Variants in DPP6 observed in about 807,000 individuals in gnomAD.
DPP6 encodes A-type potassium channel modulatory protein DPP6.
In DPP6, 69 loss-of-function variants were observed where a neutral mutation model predicts 122.6. The ratio of observed to expected loss-of-function variants is 0.56; its 90% CI spans 0.46 to 0.69. DPP6 has a LOEUF of 0.69. Ranked by LOEUF, DPP6 falls within the 30% of genes least tolerant of loss-of-function variation. The pLI is 0.00. For missense variants in DPP6, 928 were observed against 1,116.9 expected, an observed-to-expected ratio of 0.83 and a Z score of 2.41; for synonymous variants, 418 against 433.1, an observed-to-expected ratio of 0.97 and a Z score of 0.43.
the DPP6 span, among the ~76,000 whole-genome samples, chr7:153,858,110 G>A: frequency 6.6e-6 from 1 of 152,162 alleles, no homozygotes; most frequent in Non-Finnish European, 1.5e-5. Flanking sequence ...AATTTGTTAT[G>A]AGTTTTTTGC....
At chr7:153,861,941 C>T in the DPP6 span, among the ~76,000 whole-genome samples, 3 of 152,302 alleles carry the variant, frequency 2.0e-5, no homozygotes, top group African/African-American at 4.8e-5. Flanking sequence ...TCGATGATGG[C>T]TCTAATGATT....
intron 1 of DPP6, among the ~76,000 whole-genome samples, chr7:154,004,183 G>A (rs1379879436): frequency 6.6e-6 from 1 of 152,148 alleles, no homozygotes; most frequent in Non-Finnish European, 1.5e-5. Context: ...ACATTGTTGA[G>A]GTTAAGTTTG....
At position 154,254,867 on chromosome 7, in the gene DPP6, A is replaced by G. The variant is rs559626884; in HGVS notation, c.244-191347A>G. Among the ~76,000 whole-genome samples, 107 of 152,304 alleles carry G rather than the reference A, an allele frequency of 7.0e-4. 1 individual carries two copies. The highest frequency in any genetic ancestry group is 6.8e-3 in the Middle Eastern group (2 of 294). On this transcript the variant is annotated intron_variant, in intron 1 of 25. Coordinates refer to ENST00000377770, the MANE Select transcript of DPP6 (RefSeq NM_130797.4). ...AATTGCAAGATTCAAAGGTAGGACA[A>G]TGAGCATGTTGAAAGCTAAGGAGAG...
chr7:153,845,556 A>G, the DPP6 span, among the ~76,000 whole-genome samples: 6 of 151,940 alleles, frequency 3.9e-5, no homozygotes, highest in African/African-American at 7.2e-5. Flanking sequence ...AAAAATTTCA[A>G]TCTTTTAAGT....
chr7:154,621,310 G>T (rs1334927582), intron 5 of DPP6, among the ~76,000 whole-genome samples: 6 of 152,124 alleles, frequency 3.9e-5, no homozygotes, highest in Admixed American at 3.9e-4. Flanking sequence ...TGTGTAATTA[G>T]TTGACCGAGA....
At chr7:154,377,105 CAT>C (rs1813196666) in intron 1 of DPP6, among the ~76,000 whole-genome samples, 1 of 152,184 alleles carries the variant, frequency 6.6e-6, no homozygotes, top group African/African-American at 2.4e-5. Flanking sequence ...TGCATGAACT[CAT>C]AATGCCCACA....
intron 12 of DPP6, 53 bp downstream of exon 12, chr7:154,795,936 G>C: frequency 6.3e-7 from 1 of 1,578,266 alleles, no homozygotes; most frequent in African/African-American, 1.4e-5. Context: ...ATCCACCCCA[G>C]GGCTGGCCCT....
At chr7:153,817,871 T>C in the DPP6 span, among the ~76,000 whole-genome samples, 3 of 151,368 alleles carry the variant, frequency 2.0e-5, no homozygotes, top group Non-Finnish European at 2.9e-5. Context: ...ACATATGTAA[T>C]AAACCTGCAC....
At position 154,885,665 on chromosome 7, in the gene DPP6, C is replaced by T; in HGVS notation, c.2166C>T (p.Leu722=). Residue 722 remains leucine, a synonymous_variant, in exon 22 of 26, where the codon CTC becomes CTT. Coordinates refer to ENST00000377770, the MANE Select transcript of DPP6 (RefSeq NM_130797.4). ...GTGGCTACCTGAGCACCTACATCCT[C>T]CCAGCAAAGGGAGAAAATCAAGGCC... The part of the protein sequence containing the change: ...DYGGYLSTYI[L]PAKGENQGQT... 2 of 1,588,940 alleles carry T rather than the reference C, an allele frequency of 1.3e-6. No individual in the cohort carries two copies. The highest frequency in any genetic ancestry group is 1.7e-6 in the Non-Finnish European group (2 of 1,167,886).
the DPP6 span, among the ~76,000 whole-genome samples, chr7:153,871,478 T>A: frequency 8.8e-4 from 134 of 152,280 alleles, no homozygotes; most frequent in Non-Finnish European, 5.1e-4. Flanking sequence ...TCCTGGTGTA[T>A]GGTTTGTTAA....
chr7:154,190,323 G>A (rs2150763916), intron 1 of DPP6, among the ~76,000 whole-genome samples: 1 of 152,170 alleles, frequency 6.6e-6, no homozygotes, highest in Middle Eastern at 3.4e-3. Flanking sequence ...GGTGAGGTTG[G>A]CTAGAATACC....
intron 10 of DPP6, among the ~76,000 whole-genome samples, chr7:154,784,840 C>T (rs151273376): frequency 2.5e-4 from 38 of 152,340 alleles, no homozygotes; most frequent in Non-Finnish European, 4.9e-4. Context: ...AAGACTTAAT[C>T]ATTCCCATCC....
intron 1 of DPP6, among the ~76,000 whole-genome samples, chr7:154,233,019 G>T (rs1261191940): frequency 3.9e-5 from 6 of 152,210 alleles, no homozygotes; most frequent in Non-Finnish European, 7.3e-5. Context: ...ATTGCCAGTT[G>T]CTGTGTTTTG....
the DPP6 span, among the ~76,000 whole-genome samples, chr7:153,828,968 A>T: frequency 6.6e-6 from 1 of 152,178 alleles, no homozygotes; most frequent in African/African-American, 2.4e-5. Context: ...TTGTTCCAAA[A>T]TTGACATTTT....
chr7:153,825,145 A>G, the DPP6 span, among the ~76,000 whole-genome samples: 1 of 152,214 alleles, frequency 6.6e-6, no homozygotes, highest in Non-Finnish European at 1.5e-5. Context: ...TCAAGGTCCT[A>G]AATTTCTTGA....
At chr7:154,488,755 C>A (rs1237034318) in intron 3 of DPP6, among the ~76,000 whole-genome samples, 1 of 152,108 alleles carries the variant, frequency 6.6e-6, no homozygotes, top group African/African-American at 2.4e-5. Flanking sequence ...GAAACACAGG[C>A]ATGAAGCTAT....
Position 154,440,314 on chromosome 7 carries a change from C to T in DPP6, c.244-5900C>T, listed in dbSNP as rs139851495. ...GGAGGCGGCATTAATTCATACCTTGCGGCCATATCCATTATCCCTCCCTCA... is the reference window on the plus strand; with the variant it reads ...GGAGGCGGCATTAATTCATACCTTGTGGCCATATCCATTATCCCTCCCTCA... On this transcript the variant is annotated intron_variant, in intron 1 of 25. Transcript: ENST00000377770. Among the ~76,000 whole-genome samples the T allele has an allele frequency of 2.1e-4, 32 of 152,126 alleles. No homozygotes were observed. In the East Asian group the frequency reaches 5.2e-3, roughly 25 times the overall value.
rs1313870514 is a variant in DPP6 at position 154,062,875 on chromosome 7, A to AC, written c.243+9817dup. Among the ~76,000 whole-genome samples the AC allele has an allele frequency of 5.3e-4, 68 of 129,270 alleles. 12 individuals are homozygous for AC. The highest frequency in any genetic ancestry group is 1.4e-3 in the African/African-American group (49 of 35,428). The allele number at this position is 129,270 out of a possible 152,430, so 84.8% of individuals were successfully genotyped here. On this transcript the variant is annotated intron_variant, in intron 1 of 25. Coordinates refer to ENST00000377770, the MANE Select transcript of DPP6 (RefSeq NM_130797.4). ...GACCCTCTTCCTCCCCCAGCTTAGG[A>AC]CCCCCATCGTTGATCCTAAGATCCT...
At chr7:153,958,590 G>A (rs1039328828) in intron 1 of DPP6, among the ~76,000 whole-genome samples, 14 of 152,250 alleles carry the variant, frequency 9.2e-5, no homozygotes, top group African/African-American at 2.9e-4. Context: ...TGGGTACACT[G>A]ATTCCTGTTG....
Sources: gnomAD v4.1 joint callset for allele counts (sites outside exome capture counted in the v4.1 genomes callset) on GRCh38, gnomAD v4.1.1 for gene constraint, MANE v1.5 for transcripts, NCBI Gene and HGNC (gene_info 2026-07-23, HGNC 2026-07-21) for gene names.